CDH23: variants seen among roughly 807,000 people sequenced by gnomAD.
The protein encoded by CDH23 is cadherin related 23.
CDH23 carries 189 observed loss-of-function variants against 317.1 expected under a neutral mutation model. The ratio of observed to expected loss-of-function variants is 0.60; its 90% CI spans 0.53 to 0.67. The LOEUF (loss-of-function observed/expected upper bound fraction) is 0.67, where lower values mean the gene tolerates loss of function less well. Ranked by LOEUF, CDH23 falls within the 30% of genes least tolerant of loss-of-function variation. The probability of loss-of-function intolerance (pLI) is 0.00; values close to 1 mark genes in which losing one functional copy is unlikely to be tolerated. For missense variants in CDH23, 4,401 were observed against 4,592.4 expected (o/e 0.96, Z 1.20); for synonymous variants, 1,839 against 1,876.8 (o/e 0.98, Z 0.52).
chr10:71,627,152 C>T (rs1209538723), intron 11 of CDH23, among the ~76,000 whole-genome samples: 1 of 152,210 alleles, frequency 6.6e-6, no homozygotes, highest in African/African-American at 2.4e-5. Context: ...CCATCCTCTG[C>T]CCTGGCTGTA....
At chr10:71,696,471 C>A (rs1865395572) in intron 22 of CDH23, among the ~76,000 whole-genome samples, 1 of 152,242 alleles carries the variant, frequency 6.6e-6, no homozygotes, top group South Asian at 2.1e-4. Context: ...TAAAGGCTTG[C>A]CCAAGGTCCC....
intron 6 of CDH23, among the ~76,000 whole-genome samples, chr10:71,562,277 C>T (rs890787502): frequency 3.3e-5 from 5 of 152,190 alleles, no homozygotes; most frequent in Non-Finnish European, 2.9e-5. Context: ...ATGATCAAGC[C>T]ATCCCTTGCC....
chr10:71,475,916 C>A (rs1350109649), intron 3 of CDH23, among the ~76,000 whole-genome samples: 5 of 152,214 alleles, frequency 3.3e-5, no homozygotes, highest in Non-Finnish European at 7.3e-5. Flanking sequence ...TCCCATCTGC[C>A]ATGTGGCCTA....
At chr10:71,578,360 T>C (rs958097872) in intron 9 of CDH23, among the ~76,000 whole-genome samples, 1 of 152,158 alleles carries the variant, frequency 6.6e-6, no homozygotes, top group South Asian at 2.1e-4. Flanking sequence ...TGGGTTTGTC[T>C]TTTTCTTCTC....
chr10:71,753,080 T>C (rs1840047030), intron 38 of CDH23: 1 of 1,540,860 alleles, frequency 6.5e-7, no homozygotes, highest in Admixed American at 1.9e-5. Context: ...TGCTGGCAGA[T>C]GCCCTGCAGG....
At chr10:71,738,784 G>C (rs1589388078) in intron 35 of CDH23, 137 bp downstream of exon 35, 2 of 1,157,894 alleles carry the variant, frequency 1.7e-6, no homozygotes, top group East Asian at 5.2e-5. Context: ...CAATCACCCA[G>C]TCTGTGGTCA....
At chr10:71,620,819 C>T (rs1861431040) in intron 11 of CDH23, among the ~76,000 whole-genome samples, 1 of 152,204 alleles carries the variant, frequency 6.6e-6, no homozygotes, top group Admixed American at 6.5e-5. Flanking sequence ...CCAGATGGGG[C>T]GGCCCCCAAA....
intron 1 of CDH23, among the ~76,000 whole-genome samples, chr10:71,416,135 C>T (rs1229257149): frequency 6.6e-6 from 1 of 152,180 alleles, no homozygotes; most frequent in African/African-American, 2.4e-5. Flanking sequence ...AGCAATTCTC[C>T]TGCCTCAGCC....
At chr10:71,626,771 CA>C (rs1861754835) in intron 11 of CDH23, among the ~76,000 whole-genome samples, 1 of 152,206 alleles carries the variant, frequency 6.6e-6, no homozygotes, top group Non-Finnish European at 1.5e-5. Context: ...TCCTATTTTC[CA>C]GACCCTTCTT....
chr10:71,643,974 A>C (rs1862701379), intron 12 of CDH23, 108 bp downstream of exon 12: 2 of 718,462 alleles, frequency 2.8e-6, no homozygotes, highest in Non-Finnish European at 5.1e-6. Context: ...CCACCCTCTC[A>C]GGCCCCCAGC....
intron 53 of CDH23, among the ~76,000 whole-genome samples, chr10:71,801,022 G>T (rs940188411): frequency 1.3e-5 from 2 of 152,030 alleles, no homozygotes; most frequent in Admixed American, 1.3e-4. Flanking sequence ...AACATACCTG[G>T]GTGTAACCCA....
chr10:71,496,166 G>T (rs1852953238), intron 3 of CDH23, among the ~76,000 whole-genome samples: 1 of 152,186 alleles, frequency 6.6e-6, no homozygotes, highest in South Asian at 2.1e-4. Context: ...AATTAATTAA[G>T]ACAGAATCCT....
intron 6 of CDH23, among the ~76,000 whole-genome samples, chr10:71,530,030 T>TACACAC (rs1296273359): frequency 5.3e-4 from 38 of 71,108 alleles, no homozygotes; most frequent in African/African-American, 2.5e-3. Flanking sequence ...CATACACACA[T>TACACAC]ACAGACACAC....
At chr10:71,573,188 A>G (rs10823786) in intron 8 of CDH23, among the ~76,000 whole-genome samples, 93,383 of 152,106 alleles carry the variant, frequency 0.61, 29,403 homozygotes, top group East Asian at 0.88. Context: ...TGACCTGGTC[A>G]GTCAATTACA....
intron 6 of CDH23, among the ~76,000 whole-genome samples, chr10:71,554,560 C>T (rs1307866637): frequency 1.3e-5 from 2 of 152,156 alleles, no homozygotes; most frequent in Non-Finnish European, 2.9e-5. Flanking sequence ...TTACTGTATG[C>T]CTCCAGCCCC....
intron 38 of CDH23, chr10:71,755,308 G>A: frequency 2.0e-6 from 3 of 1,504,420 alleles, no homozygotes; most frequent in Non-Finnish European, 2.7e-6. Flanking sequence ...CTGGGGGCTG[G>A]AGCAGGTCAC....
intron 1 of CDH23, among the ~76,000 whole-genome samples, chr10:71,418,130 A>T (rs1005420624): frequency 6.6e-6 from 1 of 152,046 alleles, no homozygotes; most frequent in Admixed American, 6.6e-5. Context: ...ATAATTTTTA[A>T]GCCCATATTT....
chr10:71,694,141 T>C lies in CDH23; in HGVS notation c.2177-6T>C. The C allele has an allele frequency of 6.2e-7, 1 of 1,606,414 alleles. No homozygotes were observed. Among genetic ancestry groups the C allele is most frequent in the Non-Finnish European group, 8.5e-7 (1 of 1,174,262 alleles). On this transcript the variant is annotated splice_polypyrimidine_tract_variant and splice_region_variant and intron_variant, in intron 20 of 69. Transcript: ENST00000224721. ...CCTCTCACGCACCCACTTCTCTCTC[T>C]GGCAGGGGAAATCACCACCACGTCT...
At chr10:71,564,611 C>A (rs1411966655) in intron 6 of CDH23, among the ~76,000 whole-genome samples, 2 of 152,200 alleles carry the variant, frequency 1.3e-5, no homozygotes, top group Non-Finnish European at 2.9e-5. Context: ...GCGGTATGGA[C>A]AGTCAAATGT....
Sources: allele counts gnomAD v4.1 joint callset (sites outside exome capture counted in the v4.1 genomes callset), GRCh38; gene constraint gnomAD v4.1.1; transcripts MANE v1.5; gene names NCBI Gene and HGNC (gene_info 2026-07-23, HGNC 2026-07-21).